Variants in CABCOCO1 observed in about 807,000 individuals in gnomAD.
CABCOCO1 encodes ciliary-associated calcium-binding coiled-coil protein 1.
A neutral mutation model predicts 35.7 loss-of-function variants in CABCOCO1; 28 were observed. The ratio of observed to expected loss-of-function variants is 0.78; its 90% CI spans 0.58 to 1.07. CABCOCO1 has a LOEUF of 1.07. Ranked by LOEUF, CABCOCO1 falls within the 50% of genes least tolerant of loss-of-function variation. The pLI, the probability that CABCOCO1 is intolerant of heterozygous loss-of-function variation, is 0.00. For synonymous variants in CABCOCO1, 95 were observed against 100.1 expected, an observed-to-expected ratio of 0.95 and a Z score of 0.30; for missense variants, 326 against 309.2, an observed-to-expected ratio of 1.05 and a Z score of -0.41.
At chr10:61,724,496 A>C (rs538716414) in intron 5 of CABCOCO1, among the ~76,000 whole-genome samples, 2 of 152,332 alleles carry the variant, frequency 1.3e-5, no homozygotes, top group African/African-American at 4.8e-5. Flanking sequence ...TATCTGATAA[A>C]CATGGCATTC....
intron 5 of CABCOCO1, among the ~76,000 whole-genome samples, chr10:61,729,630 A>G (rs1475953557): frequency 6.6e-6 from 1 of 152,184 alleles, no homozygotes; most frequent in Non-Finnish European, 1.5e-5. Flanking sequence ...ATCAAAAAGA[A>G]TTTAAATCAA....
chr10:61,690,642 G>C (rs1485391274), intron 5 of CABCOCO1, 21 bp downstream of exon 5: 14 of 1,512,892 alleles, frequency 9.3e-6, no homozygotes, highest in Non-Finnish European at 1.3e-5. Context: ...TATCTAGATG[G>C]AACAAGTTAA....
At chr10:61,710,144 G>T (rs1305664443) in intron 5 of CABCOCO1, among the ~76,000 whole-genome samples, 6 of 151,862 alleles carry the variant, frequency 4.0e-5, no homozygotes, top group Non-Finnish European at 1.5e-5. Flanking sequence ...TGAGTTTTTT[G>T]TGTGTATATC....
intron 5 of CABCOCO1, among the ~76,000 whole-genome samples, chr10:61,694,201 G>A (rs1342855179): frequency 1.3e-5 from 2 of 150,356 alleles, no homozygotes; most frequent in African/African-American, 4.9e-5. Context: ...GAAAGCAGGA[G>A]GATCAGAGTC....
rs754889627 is a variant in CABCOCO1, at chr10:61,735,594, A to G, written c.553-24465A>G. Among the ~76,000 whole-genome samples, 3 of 152,126 alleles carry G rather than the reference A, an allele frequency of 2.0e-5. No homozygotes were observed. The East Asian group carries it at 5.8e-4, about 29-fold the overall frequency. ...TAGATGTGAATGTTAGCTTTTATCTATCACCTAAGTTTATTTTAGAAATGT... is the reference window on the plus strand; with the variant it reads ...TAGATGTGAATGTTAGCTTTTATCTGTCACCTAAGTTTATTTTAGAAATGT... On this transcript the variant is annotated intron_variant, in intron 5 of 7. Coordinates refer to ENST00000648843, the MANE Select transcript of CABCOCO1 (RefSeq NM_001366906.2).
At position 61,762,358 on chromosome 10, in the gene CABCOCO1, G is replaced by C. The variant is rs1354271026; in HGVS notation, c.816+1355G>C. On this transcript the variant is annotated intron_variant, in intron 7 of 7. Coordinates refer to ENST00000648843, the MANE Select transcript of CABCOCO1 (RefSeq NM_001366906.2). ...TACCCCTATTCTATATGATAGCTAT[G>C]TGTCTGTATGTTATCTTCCCATTGG... Among the ~76,000 whole-genome samples the C allele has an allele frequency of 5.3e-5, 8 of 152,066 alleles. No homozygotes were observed. In the East Asian group the frequency reaches 1.5e-3, roughly 29 times the overall value.
intron 5 of CABCOCO1, among the ~76,000 whole-genome samples, chr10:61,704,467 A>C (rs10994884): frequency 0.54 from 81,458 of 151,954 alleles, 22,981 homozygotes; most frequent in Middle Eastern, 0.67. Flanking sequence ...CAGCATCTGG[A>C]GAGGCCCACA....
At chr10:61,719,094 T>C (rs1463040772) in intron 5 of CABCOCO1, among the ~76,000 whole-genome samples, 1 of 152,224 alleles carries the variant, frequency 6.6e-6, no homozygotes. Context: ...AATTCCAATA[T>C]ATCATTTGCT....
intron 1 of CABCOCO1, among the ~76,000 whole-genome samples, chr10:61,664,435 A>G (rs1839103446): frequency 6.6e-6 from 1 of 151,828 alleles, no homozygotes; most frequent in African/African-American, 2.4e-5. Context: ...AAAGATGTAA[A>G]GAAGTGCTAT....
chr10:61,672,607 C>A, intron 1 of CABCOCO1, 25 bp from the exon 2 acceptor site: 1 of 622,984 alleles, frequency 1.6e-6, no homozygotes, highest in Non-Finnish European at 2.0e-6. Context: ...ATTAAAGTAA[C>A]TCACTCCACA....
chr10:61,721,860 G>C (rs1229836120), intron 5 of CABCOCO1, among the ~76,000 whole-genome samples: 3 of 152,136 alleles, frequency 2.0e-5, no homozygotes, highest in South Asian at 4.1e-4. Context: ...TGAAGAGAAG[G>C]GGGAAGAAGC....
chr10:61,697,574 G>C (rs1840329444), intron 5 of CABCOCO1, among the ~76,000 whole-genome samples: 1 of 152,080 alleles, frequency 6.6e-6, no homozygotes, highest in East Asian at 1.9e-4. Context: ...CTTACTTTTG[G>C]GTAGTTGGGT....
chr10:61,708,186 G>A (rs531138596), intron 5 of CABCOCO1, among the ~76,000 whole-genome samples: 3 of 150,396 alleles, frequency 2.0e-5, no homozygotes, highest in African/African-American at 7.3e-5. Context: ...ATAGACAGAC[G>A]CATACCAGAT....
At chr10:61,710,160 T>C (rs528617905) in intron 5 of CABCOCO1, among the ~76,000 whole-genome samples, 7 of 152,088 alleles carry the variant, frequency 4.6e-5, no homozygotes, top group Middle Eastern at 3.4e-3. Flanking sequence ...ATATCACTGA[T>C]GGAAACTTTT....
chr10:61,708,551 C>T (rs1339842807), intron 5 of CABCOCO1, among the ~76,000 whole-genome samples: 1 of 152,094 alleles, frequency 6.6e-6, no homozygotes, highest in Non-Finnish European at 1.5e-5. Flanking sequence ...AAGACTTGCT[C>T]TCTGCTTTAT....
At chr10:61,713,234 T>C (rs1262286890) in intron 5 of CABCOCO1, among the ~76,000 whole-genome samples, 1 of 152,204 alleles carries the variant, frequency 6.6e-6, no homozygotes, top group Non-Finnish European at 1.5e-5. Flanking sequence ...CCCTTGTAAG[T>C]TGGATTCCTA....
intron 2 of CABCOCO1, among the ~76,000 whole-genome samples, chr10:61,679,837 C>T (rs1005128251): frequency 6.6e-6 from 1 of 151,614 alleles, no homozygotes; most frequent in Non-Finnish European, 1.5e-5. Flanking sequence ...ACATATGAAG[C>T]AACTACAGAA....
intron 2 of CABCOCO1, among the ~76,000 whole-genome samples, chr10:61,673,532 G>GA (rs1420151791): frequency 6.6e-6 from 1 of 152,134 alleles, no homozygotes; most frequent in East Asian, 1.9e-4. Context: ...CAGACAAATA[G>GA]AAAATGACTC....
intron 5 of CABCOCO1, among the ~76,000 whole-genome samples, chr10:61,722,794 C>T (rs1321344803): frequency 1.3e-5 from 2 of 151,748 alleles, no homozygotes; most frequent in Non-Finnish European, 2.9e-5. Flanking sequence ...CATAGATCAC[C>T]GCAGAGAAAT....
Sources: gnomAD v4.1 joint callset for allele counts (sites outside exome capture counted in the v4.1 genomes callset) on GRCh38, gnomAD v4.1.1 for gene constraint, MANE v1.5 for transcripts, NCBI Gene and HGNC (gene_info 2026-07-23, HGNC 2026-07-21) for gene names.